The following CACHD1 variants were observed in gnomAD, a reference collection of about 807,000 sequenced individuals.
CACHD1 encodes cache domain containing 1.
CACHD1 carries 71 observed loss-of-function variants against 138.7 expected under a neutral mutation model. The ratio of observed to expected loss-of-function variants is 0.51; its 90% CI spans 0.42 to 0.62. The LOEUF (loss-of-function observed/expected upper bound fraction) is 0.62. Among genes scored for constraint, CACHD1 ranks in the 20% least tolerant of loss-of-function variants. The pLI is 0.00. For synonymous variants in CACHD1, 578 were observed against 591.5 expected (o/e 0.98, Z 0.33); for missense variants, 1,389 against 1,625.3 (o/e 0.85, Z 2.50).
rs533817122 is a variant in CACHD1 at position 64,676,812 on chromosome 1, T to G, written c.2976-83T>G. 1.1e-4 allele frequency: 116 copies of G among 1,068,636 alleles called. No homozygotes were observed. The African/African-American group carries it at 1.8e-3, about 16-fold the overall frequency. The allele number at this position is 1,068,636 out of a possible 1,614,324, so 66.2% of individuals were successfully genotyped here. Reference sequence around the variant, plus strand: ...AAGCCAGGATTCAAACCCAAATCTGTCTGACTGCTGTTAAGGACCAGGAGC... The same window carrying G: ...AAGCCAGGATTCAAACCCAAATCTGGCTGACTGCTGTTAAGGACCAGGAGC... On this transcript the variant is annotated intron_variant, in intron 21 of 26. Coordinates refer to ENST00000651257, the MANE Select transcript of CACHD1 (RefSeq NM_020925.4).
intron 1 of CACHD1, among the ~76,000 whole-genome samples, chr1:64,493,322 G>C (rs948123520): frequency 3.3e-5 from 5 of 152,160 alleles, no homozygotes; most frequent in African/African-American, 1.2e-4. Flanking sequence ...GAAATAATGA[G>C]GTGAAAAGCT....
At chr1:64,592,256 C>T (rs1647112293) in intron 3 of CACHD1, among the ~76,000 whole-genome samples, 1 of 152,180 alleles carries the variant, frequency 6.6e-6, no homozygotes, top group Non-Finnish European at 1.5e-5. Context: ...CAAATGCTGA[C>T]ATACATGTAT....
chr1:64,509,819 G>A (rs527697068), intron 1 of CACHD1, among the ~76,000 whole-genome samples: 4 of 152,278 alleles, frequency 2.6e-5, no homozygotes, highest in African/African-American at 9.6e-5. Flanking sequence ...AGACATAGCA[G>A]AGACAATGAT....
intron 4 of CACHD1, among the ~76,000 whole-genome samples, chr1:64,611,490 G>C (rs1375959115): frequency 6.6e-6 from 1 of 152,216 alleles, no homozygotes; most frequent in Non-Finnish European, 1.5e-5. Context: ...TTGTTGCTTA[G>C]AAATTTCTTC....
At chr1:64,678,457 C>A in intron 23 of CACHD1, 147 bp downstream of exon 23, 1 of 832,446 alleles carries the variant, frequency 1.2e-6, no homozygotes, top group Non-Finnish European at 1.8e-6. Flanking sequence ...CAGATAATTA[C>A]CTTCAGAACT....
At chr1:64,577,334 A>T (rs1324046295) in intron 2 of CACHD1, among the ~76,000 whole-genome samples, 1 of 152,194 alleles carries the variant, frequency 6.6e-6, no homozygotes, top group Non-Finnish European at 1.5e-5. Context: ...TATTATTAGA[A>T]ATCATATTAA....
chr1:64,652,280 G>A lies in CACHD1; in HGVS notation c.1510G>A (p.Ala504Thr), dbSNP rs774811186. Residue 504 changes from alanine to threonine, a missense_variant, in exon 10 of 27, where the codon GCT (alanine) becomes ACT (threonine). Around this residue, in one of 5 missense-constraint regions of CACHD1, gnomAD observed 1,000 missense variants for 1,114.7 expected, o/e 0.90. Transcript: ENST00000651257. ...EDVTYYQDSL[A>T]SYTFLIDDKG... ...CGTGACGTATTACCAAGACTCTTTG[G>A]CTTCCTATACTTTTCTCATAGACGA... 2 of 1,612,818 alleles carry A rather than the reference G, an allele frequency of 1.2e-6. No individual in the cohort carries two copies. Among genetic ancestry groups the A allele is most frequent in the South Asian group, 2.2e-5 (2 of 90,804 alleles).
chr1:64,497,042 A>AG (rs963331283), intron 1 of CACHD1, among the ~76,000 whole-genome samples: 2 of 152,166 alleles, frequency 1.3e-5, no homozygotes, highest in African/African-American at 4.8e-5. Flanking sequence ...TCCTTAAAAA[A>AG]AAAAAATCAT....
intron 24 of CACHD1, 68 bp from the exon 25 acceptor site, chr1:64,681,190 C>G: frequency 8.5e-7 from 1 of 1,172,400 alleles, no homozygotes; most frequent in Non-Finnish European, 1.3e-6. Flanking sequence ...AAGTGCTCAG[C>G]AGGGTATTAA....
At chr1:64,632,793 C>T in intron 6 of CACHD1, 50 bp downstream of exon 6, 1 of 1,602,504 alleles carries the variant, frequency 6.2e-7, no homozygotes, top group South Asian at 1.1e-5. Context: ...CCTTGAATGC[C>T]TTTTTTAAAG....
At chr1:64,678,394 C>T (rs769606311) in intron 23 of CACHD1, 84 bp downstream of exon 23, 27 of 1,293,730 alleles carry the variant, frequency 2.1e-5, no homozygotes, top group African/African-American at 3.1e-5. Context: ...AAATAATCCT[C>T]TTCCCAACTT....
chr1:64,674,375 C>CT (rs1159639979), intron 19 of CACHD1, among the ~76,000 whole-genome samples: 2 of 152,170 alleles, frequency 1.3e-5, no homozygotes, highest in South Asian at 4.1e-4. Context: ...ATAGGAAAGT[C>CT]TGACTTATTC....
intron 15 of CACHD1, among the ~76,000 whole-genome samples, chr1:64,665,472 A>G (rs1425880871): frequency 6.6e-6 from 1 of 151,718 alleles, no homozygotes; most frequent in Non-Finnish European, 1.5e-5. Flanking sequence ...AACAAAACAA[A>G]AAAACAAAAA....
chr1:64,547,731 A>G (rs150296113), intron 1 of CACHD1, among the ~76,000 whole-genome samples: 2 of 152,268 alleles, frequency 1.3e-5, no homozygotes, highest in East Asian at 1.9e-4. Context: ...TTACTTGTCT[A>G]AGTTCTACTG....
chr1:64,668,338 AAAAG>A (rs1323964567), intron 16 of CACHD1, among the ~76,000 whole-genome samples: 2 of 148,128 alleles, frequency 1.4e-5, no homozygotes, highest in African/African-American at 5.0e-5. Context: ...AAAAAAAAAA[AAAAG>A]AAAAAGAAAA....
At chr1:64,609,599 A>G (rs1158093586) in intron 4 of CACHD1, among the ~76,000 whole-genome samples, 1 of 152,132 alleles carries the variant, frequency 6.6e-6, no homozygotes, top group Non-Finnish European at 1.5e-5. Context: ...AGTTTCTCAT[A>G]ACGACCCTAT....
At chr1:64,583,380 C>T (rs1287889618) in intron 3 of CACHD1, among the ~76,000 whole-genome samples, 3 of 152,164 alleles carry the variant, frequency 2.0e-5, no homozygotes, top group Non-Finnish European at 4.4e-5. Flanking sequence ...AGGAATTCTA[C>T]CCCTAACACT....
chr1:64,475,040 A>G (rs1646166374), intron 1 of CACHD1, among the ~76,000 whole-genome samples: 1 of 152,248 alleles, frequency 6.6e-6, no homozygotes, highest in Non-Finnish European at 1.5e-5. Flanking sequence ...AGGCATGTTC[A>G]GGAACTGAAG....
chr1:64,653,898 G>A lies in CACHD1; in HGVS notation c.1664+17G>A, dbSNP rs768104241. On this transcript the variant is annotated intron_variant, in intron 11 of 26. Coordinates refer to ENST00000651257, the MANE Select transcript of CACHD1 (RefSeq NM_020925.4). Reference sequence around the variant, plus strand: ...TATCCTAAGGTAAGGAAAAGGTGAGGGTCATAGGATTGTTTTTCCCTGAGA... The same window carrying A: ...TATCCTAAGGTAAGGAAAAGGTGAGAGTCATAGGATTGTTTTTCCCTGAGA... 5.0e-6 allele frequency: 8 copies of A among 1,609,862 alleles called. No homozygotes were observed. Among genetic ancestry groups the A allele is most frequent in the South Asian group, 1.1e-5 (1 of 90,850 alleles).
Sources: allele counts gnomAD v4.1 joint callset (sites outside exome capture counted in the v4.1 genomes callset), GRCh38; gene constraint gnomAD v4.1.1; regional missense constraint gnomAD v4.1.1; transcripts MANE v1.5; gene names NCBI Gene and HGNC (gene_info 2026-07-23, HGNC 2026-07-21).